UGT1A8: variants seen among roughly 807,000 people sequenced by gnomAD.
UGT1A8 encodes the protein UDP glucuronosyltransferase family 1 member A8.
Under a neutral mutation model 45.3 loss-of-function variants are expected in UGT1A8, and 39 were observed. That is an observed-to-expected ratio of 0.86 (90% CI 0.67 to 1.12). UGT1A8 has a LOEUF of 1.12. Among genes scored for constraint, UGT1A8 ranks in the 50% most tolerant of loss-of-function variants. The pLI, the probability that UGT1A8 is intolerant of heterozygous loss-of-function variation, is 0.00. For missense variants in UGT1A8, 719 were observed against 664.9 expected, an observed-to-expected ratio of 1.08 and a Z score of -0.90; for synonymous variants, 275 against 249.2, an observed-to-expected ratio of 1.10 and a Z score of -0.97.
At chr2:233,638,614 G>A (rs913819386) in intron 1 of UGT1A8, among the ~76,000 whole-genome samples, 4 of 152,062 alleles carry the variant, frequency 2.6e-5, no homozygotes, top group Admixed American at 6.6e-5. Flanking sequence ...CTTGGCAAAC[G>A]CATAGTTGCT....
At chr2:233,711,765 G>A (rs539834648) in intron 1 of UGT1A8, among the ~76,000 whole-genome samples, 1 of 152,368 alleles carries the variant, frequency 6.6e-6, no homozygotes, top group South Asian at 2.1e-4. Flanking sequence ...CACAGAGGAA[G>A]TGAGATAGAA....
At chr2:233,635,390 G>A (rs886759449) in intron 1 of UGT1A8, among the ~76,000 whole-genome samples, 3 of 150,702 alleles carry the variant, frequency 2.0e-5, no homozygotes, top group African/African-American at 7.4e-5. Context: ...ATATCCTGAA[G>A]AGGGTTTTTG....
intron 1 of UGT1A8, among the ~76,000 whole-genome samples, chr2:233,733,415 C>T (rs778280209): frequency 6.6e-5 from 10 of 152,224 alleles, no homozygotes; most frequent in East Asian, 1.9e-4. Context: ...TTCCAGTTTT[C>T]GCCTACTCAG....
intron 1 of UGT1A8, among the ~76,000 whole-genome samples, chr2:233,667,865 T>A (rs1192905692): frequency 6.6e-6 from 1 of 152,218 alleles, no homozygotes; most frequent in Non-Finnish European, 1.5e-5. Flanking sequence ...TGGCAATCAT[T>A]AAAAAGTCAG....
intron 1 of UGT1A8, among the ~76,000 whole-genome samples, chr2:233,694,899 T>G (rs2075247307): frequency 6.6e-6 from 1 of 152,242 alleles, no homozygotes; most frequent in Non-Finnish European, 1.5e-5. Context: ...TGTGATATTT[T>G]GATACACGTA....
chr2:233,632,834 G>T lies in UGT1A8; in HGVS notation c.855+14272G>T, dbSNP rs143363347. ...TGAATACCCTGTATTTCTTTCTCTT[G>T]CTTGATTGCCCTGGCCAGAACTTCC... On this transcript the variant is annotated intron_variant, in intron 1 of 4. Coordinates refer to ENST00000373450, the MANE Select transcript of UGT1A8 (RefSeq NM_019076.5). Among the ~76,000 whole-genome samples the T allele has an allele frequency of 1.6e-3, 248 of 152,126 alleles. 1 individual carries two copies. Among genetic ancestry groups the T allele is most frequent in the African/African-American group, 5.6e-3 (234 of 41,488 alleles).
intron 1 of UGT1A8, among the ~76,000 whole-genome samples, chr2:233,656,239 A>G (rs997294463): frequency 7.2e-5 from 11 of 152,214 alleles, no homozygotes; most frequent in Non-Finnish European, 1.0e-4. Context: ...ATGGATTACA[A>G]TTAGGCCCTA....
At chr2:233,763,911 C>G (rs1698426001) in intron 1 of UGT1A8, among the ~76,000 whole-genome samples, 2 of 152,076 alleles carry the variant, frequency 1.3e-5, no homozygotes, top group Admixed American at 1.3e-4. Context: ...TAGTGAGGAC[C>G]AAGGCTTCGA....
chr2:233,729,788 C>A, intron 1 of UGT1A8: 2 of 1,613,954 alleles, frequency 1.2e-6, no homozygotes, highest in Non-Finnish European at 1.7e-6. Context: ...CTGGCCCTGT[C>A]CTACATTTGC....
intron 1 of UGT1A8, chr2:233,719,760 T>C: frequency 1.2e-6 from 2 of 1,612,360 alleles, no homozygotes; most frequent in Non-Finnish European, 1.7e-6. Context: ...TACTTACAAG[T>C]GCTTCCATAT....
chr2:233,759,712 G>A (rs2125976216), intron 1 of UGT1A8, among the ~76,000 whole-genome samples: 1 of 151,632 alleles, frequency 6.6e-6, no homozygotes, highest in African/African-American at 2.4e-5. Flanking sequence ...GCGTGCTCGT[G>A]TGGTGGGCTC....
Position 233,767,173 on chromosome 2 carries a change from G to T in UGT1A8, c.987+8G>T. 1.2e-6 allele frequency: 2 copies of T among 1,614,058 alleles called. No individual in the cohort carries two copies. The highest frequency in any genetic ancestry group is 1.7e-6 in the Non-Finnish European group (2 of 1,180,002). ...GGCAAAATCCCTCAGACAGTAAGAA[G>T]ATTCTATACCATGGCCTCATATCTA... On this transcript the variant is annotated splice_region_variant and intron_variant, in intron 2 of 4. Coordinates refer to ENST00000373450, the MANE Select transcript of UGT1A8 (RefSeq NM_019076.5).
At chr2:233,636,468 T>C in intron 1 of UGT1A8, 1 of 1,564,914 alleles carries the variant, frequency 6.4e-7, no homozygotes, top group South Asian at 1.2e-5. Context: ...TTCTTCCGCC[T>C]ACTGTATCAT....
chr2:233,740,676 A>C (rs1309493094), intron 1 of UGT1A8: 3 of 151,760 alleles, frequency 2.0e-5, no homozygotes, highest in Non-Finnish European at 4.4e-5. Flanking sequence ...AGGTGTTTCC[A>C]TGGAGGGTGT....
At chr2:233,690,852 CCTT>C in intron 1 of UGT1A8, 1 of 1,064,850 alleles carries the variant, frequency 9.4e-7, no homozygotes. Context: ...TTTTCTAATA[CCTT>C]CTTAATTTGC....
intron 1 of UGT1A8, among the ~76,000 whole-genome samples, chr2:233,686,542 T>C (rs563884685): frequency 2.6e-5 from 4 of 152,240 alleles, no homozygotes; most frequent in African/African-American, 9.6e-5. Context: ...AACCTTTCCG[T>C]GGCTTTCTGA....
chr2:233,758,044 A>G (rs1696783059), intron 1 of UGT1A8, among the ~76,000 whole-genome samples: 1 of 152,170 alleles, frequency 6.6e-6, no homozygotes, highest in African/African-American at 2.4e-5. Context: ...CTTTCAGGCA[A>G]GGACCATTTC....
intron 1 of UGT1A8, among the ~76,000 whole-genome samples, chr2:233,746,138 G>C (rs1315448671): frequency 6.6e-6 from 1 of 151,886 alleles, no homozygotes; most frequent in African/African-American, 2.4e-5. Context: ...ACTGGCACCT[G>C]AGTGATAGCA....
intron 1 of UGT1A8, chr2:233,681,970 C>T (rs7577677): frequency 1.9e-6 from 3 of 1,613,842 alleles, no homozygotes; most frequent in South Asian, 2.2e-5. Context: ...GCCTCCTTCC[C>T]CTATATGTGT....
Sources: allele counts gnomAD v4.1 joint callset (sites outside exome capture counted in the v4.1 genomes callset), GRCh38; gene constraint gnomAD v4.1.1; transcripts MANE v1.5; gene names NCBI Gene and HGNC (gene_info 2026-07-23, HGNC 2026-07-21).